Variants in BACH2 observed in about 807,000 individuals in gnomAD.
The protein encoded by BACH2 is BACH transcriptional regulator 2, also known as transcription regulator protein BACH2.
In BACH2, 5 loss-of-function variants were observed where a neutral mutation model predicts 61.8. The observed-to-expected ratio is 0.08, with a 90% CI of 0.04 to 0.17. The LOEUF (loss-of-function observed/expected upper bound fraction) is 0.17, where lower values mean the gene tolerates loss of function less well. Among genes scored for constraint, BACH2 ranks in the 10% least tolerant of loss-of-function variants. The pLI is 1.00. For synonymous variants in BACH2, 446 were observed against 440.1 expected, an observed-to-expected ratio of 1.01 and a Z score of -0.17; for missense variants, 824 against 1,091.1, an observed-to-expected ratio of 0.76 and a Z score of 3.45.
At chr6:90,275,161 A>G (rs995509665) in intron 1 of BACH2, among the ~76,000 whole-genome samples, 3 of 152,274 alleles carry the variant, frequency 2.0e-5, no homozygotes, top group African/African-American at 4.8e-5. Flanking sequence ...TGCAAGTCAC[A>G]TAAGTGGAGA....
intron 4 of BACH2, among the ~76,000 whole-genome samples, chr6:90,161,858 A>T (rs1785203114): frequency 6.6e-6 from 1 of 152,238 alleles, no homozygotes; most frequent in Non-Finnish European, 1.5e-5. Flanking sequence ...AGACAATGGT[A>T]CCAACCAGCG....
chr6:90,249,982 C>G (rs1399528872), intron 3 of BACH2, among the ~76,000 whole-genome samples: 2 of 152,172 alleles, frequency 1.3e-5, no homozygotes, highest in South Asian at 2.1e-4. Context: ...TCCCCACCCA[C>G]AGAGTTTTGG....
chr6:90,290,351 C>T (rs1260673126), intron 1 of BACH2, among the ~76,000 whole-genome samples: 1 of 152,202 alleles, frequency 6.6e-6, no homozygotes, highest in Admixed American at 6.5e-5. Context: ...ATTCTTCCTA[C>T]CAGATGACGT....
At chr6:90,043,814 T>C (rs183400518) in intron 5 of BACH2, among the ~76,000 whole-genome samples, 32 of 152,184 alleles carry the variant, frequency 2.1e-4, no homozygotes, top group African/African-American at 7.0e-4. Flanking sequence ...CAGGCACAGT[T>C]GGGAGATTCA....
chr6:90,033,297 T>C (rs971682660), intron 5 of BACH2, among the ~76,000 whole-genome samples: 2 of 149,626 alleles, frequency 1.3e-5, no homozygotes, highest in East Asian at 2.0e-4. Flanking sequence ...ACATGGCACA[T>C]GTATACATAT....
At chr6:90,081,855 T>C (rs1480025411) in intron 5 of BACH2, among the ~76,000 whole-genome samples, 2 of 152,160 alleles carry the variant, frequency 1.3e-5, no homozygotes, top group South Asian at 2.1e-4. Context: ...CTTTCAGTGC[T>C]CAAAGCCCTT....
intron 1 of BACH2, among the ~76,000 whole-genome samples, chr6:90,280,564 A>G (rs1235440502): frequency 6.6e-6 from 1 of 152,210 alleles, no homozygotes; most frequent in African/African-American, 2.4e-5. Context: ...ACCATGAGGG[A>G]TCTTAGAGAC....
At chr6:90,267,111 C>A (rs1420714224) in intron 2 of BACH2, among the ~76,000 whole-genome samples, 1 of 151,966 alleles carries the variant, frequency 6.6e-6, no homozygotes, top group Admixed American at 6.6e-5. Flanking sequence ...AGACATCTCC[C>A]CCCCACCAAA....
chr6:89,943,233 T>C (rs139724213), intron 7 of BACH2, among the ~76,000 whole-genome samples: 1 of 152,204 alleles, frequency 6.6e-6, no homozygotes, highest in East Asian at 1.9e-4. Context: ...TTGCATGCTG[T>C]CTGCACCAAC....
intron 4 of BACH2, among the ~76,000 whole-genome samples, chr6:90,118,496 C>T (rs1233791661): frequency 6.6e-6 from 1 of 152,210 alleles, no homozygotes; most frequent in Non-Finnish European, 1.5e-5. Context: ...GATCCAGCCT[C>T]TCAGCTGGTA....
intron 5 of BACH2, among the ~76,000 whole-genome samples, chr6:90,039,150 A>G (rs1304860565): frequency 3.3e-5 from 5 of 152,228 alleles, no homozygotes; most frequent in Admixed American, 1.3e-4. Context: ...CTTGACTAGA[A>G]GGTCATAGTA....
chr6:90,255,187 A>G (rs1399984402), intron 2 of BACH2, among the ~76,000 whole-genome samples: 3 of 152,158 alleles, frequency 2.0e-5, no homozygotes, highest in Non-Finnish European at 1.5e-5. Flanking sequence ...TAATTTTTAC[A>G]TTCCTCATGT....
chr6:89,971,827 G>A (rs755475366), intron 6 of BACH2, among the ~76,000 whole-genome samples: 1 of 152,118 alleles, frequency 6.6e-6, no homozygotes, highest in African/African-American at 2.4e-5. Context: ...GGGGGAAACC[G>A]CCCCCGTGAT....
In BACH2 at chr6:90,072,106, C is replaced by T. The variant is rs180912801; in HGVS notation, c.-13+16855G>A. 1.2e-3 allele frequency among the ~76,000 whole-genome samples: 190 copies of T among 152,280 alleles called. 1 individual carries two copies. The highest frequency in any genetic ancestry group is 4.1e-3 in the Admixed American group (63 of 15,290). On this transcript the variant is annotated intron_variant, in intron 5 of 8. Coordinates refer to ENST00000257749, the MANE Select transcript of BACH2 (RefSeq NM_021813.4). ...ATATGTGGACCCACGCACTTCAAAC[C>T]TGTGTTGTTTAAGGGTTAATTGTAC... is the stretch of plus-strand genomic sequence containing the variant.
At chr6:90,043,010 C>T (rs536888528) in intron 5 of BACH2, among the ~76,000 whole-genome samples, 13 of 152,000 alleles carry the variant, frequency 8.6e-5, no homozygotes, top group Non-Finnish European at 1.9e-4. Flanking sequence ...ATAGGATTTG[C>T]TAATGGACTG....
intron 6 of BACH2, among the ~76,000 whole-genome samples, chr6:89,994,815 T>G (rs1776759974): frequency 6.6e-6 from 1 of 152,192 alleles, no homozygotes; most frequent in Admixed American, 6.5e-5. Context: ...CTGTAAGAAA[T>G]TAGAAAATGC....
intron 6 of BACH2, among the ~76,000 whole-genome samples, chr6:89,989,317 A>G (rs1776411631): frequency 6.6e-6 from 1 of 151,980 alleles, no homozygotes; most frequent in Admixed American, 6.6e-5. Context: ...CCACCTCCTC[A>G]CACCCCCGGT....
intron 1 of BACH2, among the ~76,000 whole-genome samples, chr6:90,289,873 C>T (rs973619472): frequency 3.3e-5 from 5 of 152,290 alleles, no homozygotes; most frequent in Middle Eastern, 3.4e-3. Context: ...CATCAGCTGA[C>T]TGGGAGAGAA....
At chr6:89,967,221 T>C (rs1775093819) in intron 6 of BACH2, among the ~76,000 whole-genome samples, 1 of 152,208 alleles carries the variant, frequency 6.6e-6, no homozygotes, top group Non-Finnish European at 1.5e-5. Context: ...GGGACTGTTA[T>C]GAAAGACCTC....
Sources: gnomAD v4.1 joint callset for allele counts (sites outside exome capture counted in the v4.1 genomes callset) on GRCh38, gnomAD v4.1.1 for gene constraint, MANE v1.5 for transcripts, NCBI Gene and HGNC (gene_info 2026-07-23, HGNC 2026-07-21) for gene names.